The following AMOT variants were observed in gnomAD, a reference collection of about 807,000 sequenced individuals.
AMOT encodes the protein angiomotin.
A neutral mutation model predicts 67.0 loss-of-function variants in AMOT; 11 were observed. The ratio of observed to expected loss-of-function variants is 0.16; its 90% CI spans 0.10 to 0.27. The LOEUF (loss-of-function observed/expected upper bound fraction) is 0.27. Ranked by LOEUF, AMOT falls within the 10% of genes least tolerant of loss-of-function variation. The pLI is 1.00. For synonymous variants in AMOT, 326 were observed against 321.4 expected (o/e 1.01, Z -0.15); for missense variants, 753 against 852.0 (o/e 0.88, Z 1.45).
intron 8 of AMOT, among the ~76,000 whole-genome samples, chrX:112,795,244 C>CTG (rs1341404542): frequency 1.1e-5 from 1 of 93,521 alleles, no homozygotes; most frequent in African/African-American, 5.2e-5. Flanking sequence ...CTCTGTCTCT[C>CTG]TCTCTGTGTG....
chrX:112,806,326 T>TTATACATATGTATA (rs775438639), intron 7 of AMOT, among the ~76,000 whole-genome samples: 2 of 100,623 alleles, frequency 2.0e-5, no homozygotes, highest in African/African-American at 3.7e-5. Context: ...CACACACGTT[T>TTATACATATGTATA]TATACATATG....
chrX:112,815,689 T>A lies in AMOT; in HGVS notation c.1061A>T (p.Gln354Leu). Residue 354 changes from glutamine (Q) to leucine (L), a missense_variant, in exon 5 of 14, where the codon CAG becomes CTG. By Grantham distance (113) the Gln-to-Leu change is moderately radical. This residue lies in a region of AMOT where 297 missense variants were observed against 284.3 expected (regional missense o/e 1.04). Coordinates refer to ENST00000371959, the MANE Select transcript of AMOT (RefSeq NM_001113490.2). The stretch of plus-strand genomic sequence containing the variant: ...GTGAGCCTGATTAGGAAGGAAATGC[T>A]GCTGCGGCCTAGGCAGGTGAGCTGA... The part of the protein sequence containing the change: ...DHSAHLPRPQ[Q>L]HFLPNQAHQG... The A allele has an allele frequency of 8.5e-7, 1 of 1,170,896 alleles. No individual in the cohort carries two copies. The highest frequency in any genetic ancestry group is 1.1e-6 in the Non-Finnish European group (1 of 875,022).
chrX:112,807,598 A>C (rs1229759550), intron 7 of AMOT, among the ~76,000 whole-genome samples: 1 of 111,421 alleles, frequency 9.0e-6, no homozygotes, highest in East Asian at 2.8e-4. Flanking sequence ...AGCAGAAAGA[A>C]AGACATGTTA....
intron 1 of AMOT, among the ~76,000 whole-genome samples, chrX:112,835,501 C>T (rs1189522814): frequency 9.0e-6 from 1 of 110,682 alleles, no homozygotes; most frequent in Non-Finnish European, 1.9e-5. Flanking sequence ...ATACTAAAAA[C>T]CCATACCACA....
chrX:112,811,170 T>C (rs1387697790), intron 6 of AMOT, 79 bp downstream of exon 6: 24 of 1,162,739 alleles, frequency 2.1e-5, no homozygotes, highest in Middle Eastern at 2.5e-4. Flanking sequence ...AAGAGCCTAG[T>C]TGGATCCTGC....
In AMOT at chrX:112,831,830, A is replaced by G. The variant is rs867271247; in HGVS notation, c.-212+464T>C. 4.0e-4 allele frequency among the ~76,000 whole-genome samples: 25 copies of G among 62,274 alleles called. 1 individual carries two copies. The highest frequency in any genetic ancestry group is 3.6e-3 in the Admixed American group (19 of 5,284). 54.1% of individuals were successfully genotyped at this position (62,274 alleles called of 115,157 possible). A position where few individuals can be genotyped will look rare whatever the true frequency, so the allele number is the denominator to read the frequency against. ...TGAAACTAAACATGGACTTCTGGGG[A>G]AAAAAAAAAAAAGATCATTCAAGGG... On this transcript the variant is annotated intron_variant, in intron 2 of 13. Coordinates refer to ENST00000371959, the MANE Select transcript of AMOT (RefSeq NM_001113490.2).
rs1038476331 is a variant in AMOT at position 112,817,945 on chromosome X, T to C, written c.873-2068A>G. On this transcript the variant is annotated intron_variant, in intron 4 of 13. Transcript: ENST00000371959. ...AGGTAAAAGACTAAGTGCTCTTTTTTCTCTTTGAATGAGAGCTATTACAAT... is the reference window on the plus strand; with the variant it reads ...AGGTAAAAGACTAAGTGCTCTTTTTCCTCTTTGAATGAGAGCTATTACAAT... Among the ~76,000 whole-genome samples, 3 of 111,587 alleles carry C rather than the reference T, an allele frequency of 2.7e-5. No individual in the cohort carries two copies. In the Admixed American group the frequency reaches 2.9e-4, roughly 11 times the overall value.
At chrX:112,788,225 G>C (rs1052178021) in intron 10 of AMOT, among the ~76,000 whole-genome samples, 15 of 108,742 alleles carry the variant, frequency 1.4e-4, no homozygotes, top group East Asian at 1.2e-3. Context: ...GGAGGCGGAG[G>C]CTGCAGTGAG....
intron 8 of AMOT, among the ~76,000 whole-genome samples, chrX:112,802,020 G>T (rs1376464366): frequency 1.8e-5 from 2 of 112,072 alleles, no homozygotes; most frequent in Non-Finnish European, 3.8e-5. Flanking sequence ...ACACAGGCAG[G>T]TTATCTAACA....
Position 112,778,477 on chromosome X carries a change from T to G in AMOT, c.*90A>C. ...AAAAAACATCCCCTCCCCACAACCC[T>G]TGTCCTCACCCTCAAAACAAGAACC... On this transcript the variant is annotated 3_prime_UTR_variant, in exon 14 of 14. Transcript: ENST00000371959. 1 of 883,111 alleles carries G rather than the reference T, an allele frequency of 1.1e-6. No individual in the cohort carries two copies. 72.8% of individuals were successfully genotyped at this position (883,111 alleles called of 1,213,427 possible).
At chrX:112,833,551 C>T (rs999992592) in intron 1 of AMOT, among the ~76,000 whole-genome samples, 3 of 110,336 alleles carry the variant, frequency 2.7e-5, no homozygotes, top group South Asian at 4.0e-4. Context: ...ATCTGCCTCC[C>T]CTACTCTCTC....
intron 13 of AMOT, 91 bp downstream of exon 13, chrX:112,778,906 A>C: frequency 2.1e-6 from 2 of 964,316 alleles, no homozygotes; most frequent in Non-Finnish European, 2.9e-6. Context: ...AGTCCAAATG[A>C]TAACTCTGCC....
chrX:112,816,889 C>G (rs1465238259), intron 4 of AMOT, among the ~76,000 whole-genome samples: 1 of 112,066 alleles, frequency 8.9e-6, no homozygotes, highest in Non-Finnish European at 1.9e-5. Context: ...GTACAAAATG[C>G]TAACACCTAA....
At chrX:112,811,140 C>A (rs1320882286) in intron 6 of AMOT, 109 bp downstream of exon 6, 2 of 1,032,830 alleles carry the variant, frequency 1.9e-6, no homozygotes, top group African/African-American at 3.8e-5. Context: ...CTGCCCATAC[C>A]GGTGGGTTGG....
chrX:112,802,027 A>ATGTT lies in AMOT; in HGVS notation c.1776+2919_1776+2920insAACA, dbSNP rs201354005. 9.1e-3 allele frequency among the ~76,000 whole-genome samples: 1,024 copies of ATGTT among 112,520 alleles called. 6 individuals are homozygous for ATGTT. The highest frequency in any genetic ancestry group is 0.014 in the Non-Finnish European group (772 of 53,280). ...TATATGGGACACAGGCAGGTTATCTAACATATCCATGTGCCTTCAAAAACA... is the reference window on the plus strand; with the variant it reads ...TATATGGGACACAGGCAGGTTATCTATGTTACATATCCATGTGCCTTCAAAAACA... On this transcript the variant is annotated intron_variant, in intron 8 of 13. Transcript: ENST00000371959.
At chrX:112,801,354 G>A (rs745775281) in intron 8 of AMOT, among the ~76,000 whole-genome samples, 4 of 111,517 alleles carry the variant, frequency 3.6e-5, no homozygotes, top group African/African-American at 1.3e-4. Context: ...ATAAGGGCAA[G>A]GACGGAAAGG....
chrX:112,775,514 G>A lies in AMOT; in HGVS notation c.*3053C>T, dbSNP rs974933666. On this transcript the variant is annotated 3_prime_UTR_variant, in exon 14 of 14. Coordinates refer to ENST00000371959, the MANE Select transcript of AMOT (RefSeq NM_001113490.2). Reference sequence around the variant, plus strand: ...CCACCCAACAGTGTAACAACAAAAAGAGAACATGATGGGTCTCTGGGTATC... The same window carrying A: ...CCACCCAACAGTGTAACAACAAAAAAAGAACATGATGGGTCTCTGGGTATC... 8.9e-6 allele frequency: 1 copy of A among 112,146 alleles called. No homozygotes were observed. Among genetic ancestry groups the A allele is most frequent in the African/African-American group, 3.2e-5 (1 of 30,784 alleles). The allele number at this position is 112,146 out of a possible 1,213,427, so 9.2% of individuals were successfully genotyped here.
chrX:112,791,939 G>C lies in AMOT; in HGVS notation c.1819C>G (p.Gln607Glu), dbSNP rs1933617569. 1 of 1,210,073 alleles carries C rather than the reference G, an allele frequency of 8.3e-7. No homozygotes were observed. The highest frequency in any genetic ancestry group is 2.2e-5 in the Admixed American group (1 of 45,771). ...QVYVDKVEKM[Q>E]QALVQLQAAC... ...GCCTGGAGCTGTACAAGGGCCTGCT[G>C]CATCTTCTCCACCTTGTCAACGTAC... Residue 607 changes from glutamine to glutamate, a missense_variant, in exon 9 of 14, where the codon CAG (glutamine) becomes GAG (glutamate). Coordinates refer to ENST00000371959, the MANE Select transcript of AMOT (RefSeq NM_001113490.2).
chrX:112,799,979 T>C (rs1933959662), intron 8 of AMOT, among the ~76,000 whole-genome samples: 1 of 111,792 alleles, frequency 8.9e-6, no homozygotes, highest in Non-Finnish European at 1.9e-5. Context: ...ACTCCTGTAA[T>C]CCCAGCACTT....
Sources: gnomAD v4.1 joint callset for allele counts (sites outside exome capture counted in the v4.1 genomes callset) on GRCh38, gnomAD v4.1.1 for gene constraint, gnomAD v4.1.1 regional missense constraint, MANE v1.5 for transcripts, NCBI Gene and HGNC (gene_info 2026-07-23, HGNC 2026-07-21) for gene names.